Variants in LUZP1 observed in about 807,000 individuals in gnomAD.
LUZP1 encodes filamin mechanobinding actin cross-linking protein.
In LUZP1, 25 loss-of-function variants were observed where a neutral mutation model predicts 71.3. The observed-to-expected ratio is 0.35, with a 90% CI of 0.26 to 0.49. LUZP1 has a LOEUF of 0.49. LUZP1 is among the 20% of genes least tolerant of loss of function. The pLI, the probability that LUZP1 is intolerant of heterozygous loss-of-function variation, is 0.99. For synonymous variants in LUZP1, 481 were observed against 506.4 expected (o/e 0.95, Z 0.67); for missense variants, 1,142 against 1,300.8 (o/e 0.88, Z 1.88).
chr1:23,092,706 A>T (rs576265023), exon 4 of LUZP1: 4 of 1,614,042 alleles, frequency 2.5e-6, no homozygotes, highest in Non-Finnish European at 3.4e-6. Context: ...GTCACTGGGA[A>T]CAGATCCATG....
rs972564407 is a variant in LUZP1, at chr1:23,094,764, G to A, written c.-119-384C>T. On this transcript the variant is annotated intron_variant, in intron 3 of 4. Transcript: ENST00000302291. The surrounding 1 kb of genome is among the most constrained non-coding windows in gnomAD (Gnocchi z 4.7). ...TAAAATGGGCATAATGATGTCTACC[G>A]TATTTCTCCCCAGTGTTGTTCTGAG... 3.1e-4 allele frequency among the ~76,000 whole-genome samples: 47 copies of A among 152,190 alleles called. No individual in the cohort carries two copies. Among genetic ancestry groups the A allele is most frequent in the African/African-American group, 1.1e-3 (45 of 41,526 alleles).
intron 2 of LUZP1, among the ~76,000 whole-genome samples, chr1:23,152,868 CTT>C (rs1240434431): frequency 6.6e-6 from 1 of 152,080 alleles, no homozygotes; most frequent in Non-Finnish European, 1.5e-5. Context: ...GCTATCTTCA[CTT>C]TCTTTTCTTC....
chr1:23,158,254 C>G (rs986659087), intron 2 of LUZP1, among the ~76,000 whole-genome samples: 1 of 152,132 alleles, frequency 6.6e-6, no homozygotes, highest in Non-Finnish European at 1.5e-5. Flanking sequence ...TATTTATATC[C>G]ACTCATCTTT....
chr1:23,103,226 C>T (rs1029688740), intron 3 of LUZP1, among the ~76,000 whole-genome samples: 1 of 151,920 alleles, frequency 6.6e-6, no homozygotes, highest in African/African-American at 2.4e-5. Flanking sequence ...ATTACAGACG[C>T]GAGCCACCGC....
At chr1:23,151,132 C>T (rs574667501) in intron 2 of LUZP1, among the ~76,000 whole-genome samples, 1 of 152,074 alleles carries the variant, frequency 6.6e-6, no homozygotes, top group Non-Finnish European at 1.5e-5. Flanking sequence ...CAATCCCCTG[C>T]CTCCCAGGTT....
chr1:23,145,555 C>T (rs1200993), intron 2 of LUZP1, among the ~76,000 whole-genome samples: 29,106 of 151,098 alleles, frequency 0.19, 3,080 homozygotes, highest in Middle Eastern at 0.31. Flanking sequence ...CTGCAACCTC[C>T]GCCTCCTGAG....
intron 1 of LUZP1, among the ~76,000 whole-genome samples, chr1:23,171,400 T>A (rs935762473): frequency 2.6e-5 from 4 of 152,216 alleles, no homozygotes; most frequent in Non-Finnish European, 4.4e-5. Context: ...GCCTCCAAGC[T>A]GGGGTCAGCG....
chr1:23,084,901 T>C (rs1179827929), exon 5 of LUZP1: 2 of 152,636 alleles, frequency 1.3e-5, no homozygotes, highest in East Asian at 1.9e-4. Flanking sequence ...CGCCAACGCA[T>C]AGAAGACAGA....
At chr1:23,144,538 CT>C in intron 2 of LUZP1, among the ~76,000 whole-genome samples, 1 of 152,248 alleles carries the variant, frequency 6.6e-6, no homozygotes, top group African/African-American at 2.4e-5. Context: ...CTCATTTTAC[CT>C]TTTTTCACAT....
At chr1:23,123,346 A>G (rs1557659236) in intron 2 of LUZP1, among the ~76,000 whole-genome samples, 1 of 151,876 alleles carries the variant, frequency 6.6e-6, no homozygotes, top group South Asian at 2.1e-4. Context: ...ACAAAAATTA[A>G]CCAGGCGTGG....
chr1:23,105,796 T>G (rs1451472487), intron 3 of LUZP1, among the ~76,000 whole-genome samples: 1 of 152,178 alleles, frequency 6.6e-6, no homozygotes, highest in African/African-American at 2.4e-5. Context: ...ACACCTCCTA[T>G]AGATTAACAC....
intron 2 of LUZP1, among the ~76,000 whole-genome samples, chr1:23,168,538 C>T (rs1644529357): frequency 1.3e-5 from 2 of 151,262 alleles, no homozygotes; most frequent in Admixed American, 1.3e-4. Context: ...TCCAACTCCA[C>T]AAACATGTGC....
rs902907426 is a variant in LUZP1 at position 23,176,862 on chromosome 1, G to A, written c.-485+629C>T. On this transcript the variant is annotated intron_variant, in intron 1 of 4. Transcript: ENST00000302291. ...GGGGTCCTCAAAGCAGACTTGGAGA[G>A]CTATAATTTTGGGGGGTTTTTTGTT... is the stretch of plus-strand genomic sequence containing the variant. Among the ~76,000 whole-genome samples the A allele has an allele frequency of 2.0e-5, 3 of 151,038 alleles. No homozygotes were observed. In the South Asian group the frequency reaches 6.4e-4, roughly 32 times the overall value.
In LUZP1 at chr1:23,093,016, G is replaced by C. The variant is rs139904386; in HGVS notation, c.1246C>G (p.Leu416Val). Residue 416 changes from leucine to valine, a missense_variant, in exon 4 of 5, where the codon CTG becomes GTG. Transcript: ENST00000302291. This position sits in a 1 kb window ranked among gnomAD's most constrained non-coding sequence, Gnocchi z 4.2. ...GGAGAAGAAACCTGCCTGTTGCTCAGAGAATAGTTTTCATTGTTGAGAGCA... is the reference window on the plus strand; with the variant it reads ...GGAGAAGAAACCTGCCTGTTGCTCACAGAATAGTTTTCATTGTTGAGAGCA... 3.1e-5 allele frequency: 50 copies of C among 1,614,054 alleles called. No individual in the cohort carries two copies. Among genetic ancestry groups the C allele is most frequent in the Non-Finnish European group, 4.2e-5 (50 of 1,180,034 alleles).
intron 2 of LUZP1, among the ~76,000 whole-genome samples, chr1:23,147,694 C>G (rs897261206): frequency 1.1e-4 from 17 of 150,638 alleles, no homozygotes; most frequent in African/African-American, 3.7e-4. Context: ...AAGTGCTAAG[C>G]AAACACCATT....
chr1:23,165,049 CAATA>C (rs1392626054), intron 2 of LUZP1, among the ~76,000 whole-genome samples: 2 of 152,156 alleles, frequency 1.3e-5, no homozygotes, highest in African/African-American at 4.8e-5. Flanking sequence ...TCCCCTAATC[CAATA>C]AATGTCTCTC....
intron 4 of LUZP1, chr1:23,090,727 A>C (rs1643839029): frequency 3.1e-6 from 2 of 636,212 alleles, no homozygotes; most frequent in Non-Finnish European, 5.6e-6. Flanking sequence ...GCAGCCTGTG[A>C]AGATCTGCTA....
intron 2 of LUZP1, among the ~76,000 whole-genome samples, chr1:23,130,914 C>T (rs1400650805): frequency 6.6e-6 from 1 of 151,960 alleles, no homozygotes; most frequent in African/African-American, 2.4e-5. Flanking sequence ...CTCATTTCCA[C>T]CTTAAGGTCT....
rs9426807 is a variant in LUZP1 at position 23,154,484 on chromosome 1, G to A, written c.-226+14282C>T. On this transcript the variant is annotated intron_variant, in intron 2 of 4. Coordinates refer to ENST00000302291, the Ensembl canonical transcript of LUZP1. ...GAGCCTGGGAGATCAAGGCTGCAGT[G>A]AGTCATGATCACATACTGCATTCCA... Among the ~76,000 whole-genome samples the A allele has an allele frequency of 5.7e-3, 875 of 152,282 alleles. 5 individuals are homozygous for A. The highest frequency in any genetic ancestry group is 0.011 in the Admixed American group (167 of 15,300).
Sources: gnomAD v4.1 joint callset for allele counts (sites outside exome capture counted in the v4.1 genomes callset) on GRCh38, gnomAD v4.1.1 for gene constraint, Gnocchi (gnomAD v3.1) non-coding constraint, MANE v1.5 for transcripts, NCBI Gene and HGNC (gene_info 2026-07-23, HGNC 2026-07-21) for gene names.